The following CHL1 variants were observed in gnomAD, a reference collection of about 807,000 sequenced individuals.
The protein encoded by CHL1 is cell adhesion molecule L1 like, also known as neural cell adhesion molecule L1-like protein.
In CHL1, 96 loss-of-function variants were observed where a neutral mutation model predicts 141.9. The observed-to-expected ratio is 0.68, with a 90% CI of 0.57 to 0.80. CHL1 has a LOEUF of 0.80. CHL1 is among the 30% of genes least tolerant of loss of function. The pLI, the probability that CHL1 is intolerant of heterozygous loss-of-function variation, is 0.00. For synonymous variants in CHL1, 613 were observed against 502.2 expected (o/e 1.22, Z -2.95); for missense variants, 1,820 against 1,457.2 (o/e 1.25, Z -4.05).
intron 2 of CHL1, chr3:309,300 C>T (rs868450584): frequency 1.3e-5 from 2 of 152,590 alleles, no homozygotes; most frequent in Non-Finnish European, 2.9e-5. Flanking sequence ...CTGCTTGTGC[C>T]AGTTGTCGTG....
At chr3:367,764 G>T (rs2125304726) in intron 15 of CHL1, among the ~76,000 whole-genome samples, 1 of 152,054 alleles carries the variant, frequency 6.6e-6, no homozygotes, top group East Asian at 1.9e-4. Flanking sequence ...TGCACCTATT[G>T]ACCTGTCCTC....
intron 23 of CHL1, among the ~76,000 whole-genome samples, chr3:392,948 G>A (rs1177341733): frequency 1.6e-5 from 1 of 62,968 alleles, no homozygotes; most frequent in Non-Finnish European, 4.3e-5. Context: ...ATGAATGAGG[G>A]AATTGATGTA....
chr3:228,838 G>T (rs3872649), intron 1 of CHL1, among the ~76,000 whole-genome samples: 1 of 151,988 alleles, frequency 6.6e-6, no homozygotes, highest in East Asian at 1.9e-4. Flanking sequence ...GTTCCTAATG[G>T]TTGATTTAAT....
intron 18 of CHL1, 181 bp downstream of exon 18, chr3:382,852 G>A (rs576692688): frequency 3.6e-5 from 21 of 588,166 alleles, no homozygotes; most frequent in African/African-American, 1.9e-4. Flanking sequence ...TGTTACATAC[G>A]AGTTCGATAA....
chr3:251,648 G>A lies in CHL1; in HGVS notation c.-95+6956G>A, dbSNP rs537154699. Among the ~76,000 whole-genome samples the A allele has an allele frequency of 1.4e-4, 21 of 152,204 alleles. No homozygotes were observed. The East Asian group carries it at 4.1e-3, about 29-fold the overall frequency. ...GATTTTGCAAGCAAATGTAAAGCTG[G>A]AAATTTCTGTCTAGATATCATGGGA... is the stretch of plus-strand genomic sequence containing the variant. On this transcript the variant is annotated intron_variant, in intron 2 of 27. Coordinates refer to ENST00000256509, the MANE Select transcript of CHL1 (RefSeq NM_006614.4).
intron 1 of CHL1, among the ~76,000 whole-genome samples, chr3:212,065 G>C (rs990544261): frequency 5.3e-5 from 8 of 151,944 alleles, no homozygotes; most frequent in African/African-American, 1.9e-4. Flanking sequence ...ATTTTTACAT[G>C]ACATAACCTA....
chr3:251,797 T>C (rs1399988875), intron 2 of CHL1, among the ~76,000 whole-genome samples: 1 of 152,166 alleles, frequency 6.6e-6, no homozygotes, highest in South Asian at 2.1e-4. Context: ...GAAGTTTCTA[T>C]TATCTTAGAT....
intron 11 of CHL1, among the ~76,000 whole-genome samples, chr3:356,838 C>T (rs1331102263): frequency 6.6e-6 from 1 of 152,120 alleles, no homozygotes; most frequent in Non-Finnish European, 1.5e-5. Flanking sequence ...AGATGAACAT[C>T]GAAGTAGGGC....
intron 23 of CHL1, among the ~76,000 whole-genome samples, chr3:394,277 A>T (rs6803570): frequency 0.036 from 5,465 of 152,318 alleles, 141 homozygotes; most frequent in African/African-American, 0.079. Context: ...CATCTCAATT[A>T]TTCTTCCAAA....
chr3:335,280 T>C (rs1194565952), intron 5 of CHL1, among the ~76,000 whole-genome samples: 2 of 152,234 alleles, frequency 1.3e-5, no homozygotes, highest in African/African-American at 4.8e-5. Context: ...TTAATTAAGT[T>C]CGAGGATTTT....
chr3:285,119 G>C (rs1171117341), intron 2 of CHL1, among the ~76,000 whole-genome samples: 1 of 152,198 alleles, frequency 6.6e-6, no homozygotes, highest in East Asian at 1.9e-4. Context: ...AAGCATAATT[G>C]AAATAATTAG....
At chr3:300,868 C>G (rs2124899592) in intron 2 of CHL1, among the ~76,000 whole-genome samples, 1 of 152,172 alleles carries the variant, frequency 6.6e-6, no homozygotes, top group Admixed American at 6.5e-5. Flanking sequence ...GAGTTGCCAT[C>G]TAGGCAAAAG....
rs776650123 is a variant in CHL1, at chr3:405,743, A to G, written c.*32A>G. Reference sequence around the variant, plus strand: ...CATATGTAAGCAACGCTACTGGTTCACCCCAACCTTCCATATTTATCTGTT... The same window carrying G: ...CATATGTAAGCAACGCTACTGGTTCGCCCCAACCTTCCATATTTATCTGTT... On this transcript the variant is annotated 3_prime_UTR_variant, in exon 28 of 28. Transcript: ENST00000256509. 58 of 1,497,370 alleles carry G rather than the reference A, an allele frequency of 3.9e-5. No individual in the cohort carries two copies. Among genetic ancestry groups the G allele is most frequent in the Non-Finnish European group, 4.7e-5 (51 of 1,075,454 alleles). The allele number at this position is 1,497,370 out of a possible 1,614,324, so 92.8% of individuals were successfully genotyped here. A position where few individuals can be genotyped will look rare whatever the true frequency, so the allele number is the denominator to read the frequency against.
intron 14 of CHL1, among the ~76,000 whole-genome samples, chr3:365,274 T>C (rs1471347827): frequency 6.6e-6 from 1 of 152,264 alleles, no homozygotes; most frequent in East Asian, 1.9e-4. Context: ...AAACATTTTC[T>C]TAAGGCAGCC....
intron 2 of CHL1, among the ~76,000 whole-genome samples, chr3:253,933 A>G (rs1693925018): frequency 6.6e-6 from 1 of 152,242 alleles, no homozygotes; most frequent in Non-Finnish European, 1.5e-5. Context: ...ACACTGAGCT[A>G]GCCATCATGT....
chr3:216,991 C>T (rs1700376571), intron 1 of CHL1, among the ~76,000 whole-genome samples: 1 of 152,126 alleles, frequency 6.6e-6, no homozygotes, highest in South Asian at 2.1e-4. Context: ...ACCTTTTGTG[C>T]TCAGTCTGCT....
chr3:359,749 C>A (rs1002752605), intron 11 of CHL1, among the ~76,000 whole-genome samples: 3 of 152,096 alleles, frequency 2.0e-5, no homozygotes, highest in Non-Finnish European at 4.4e-5. Context: ...AATATACAAG[C>A]AATGTACATG....
At chr3:401,767 G>C (rs1163210962) in intron 27 of CHL1, 69 bp downstream of exon 27, 1 of 903,294 alleles carries the variant, frequency 1.1e-6, no homozygotes, top group Non-Finnish European at 1.7e-6. Flanking sequence ...TGAACAAAAA[G>C]GTGTTTATTC....
intron 6 of CHL1, 126 bp from the exon 7 acceptor site, chr3:341,786 T>G: frequency 1.3e-6 from 1 of 773,058 alleles, no homozygotes; most frequent in Non-Finnish European, 2.0e-6. Context: ...AAGACCAGAC[T>G]TGAGAGGAAT....
Sources: allele counts gnomAD v4.1 joint callset (sites outside exome capture counted in the v4.1 genomes callset), GRCh38; gene constraint gnomAD v4.1.1; transcripts MANE v1.5; gene names NCBI Gene and HGNC (gene_info 2026-07-23, HGNC 2026-07-21).